MECOM: variants seen among roughly 807,000 people sequenced by gnomAD.
MECOM encodes MDS1 and EVI1 complex locus, also known as histone-lysine N-methyltransferase MECOM.
A neutral mutation model predicts 116.3 loss-of-function variants in MECOM; 13 were observed. The ratio of observed to expected loss-of-function variants is 0.11; its 90% CI spans 0.07 to 0.18. MECOM has a LOEUF of 0.18. Ranked by LOEUF, MECOM falls within the 10% of genes least tolerant of loss-of-function variation. The pLI, the probability that MECOM is intolerant of heterozygous loss-of-function variation, is 1.00. For missense variants in MECOM, 1,299 were observed against 1,509.0 expected, an observed-to-expected ratio of 0.86 and a Z score of 2.31; for synonymous variants, 528 against 535.2, an observed-to-expected ratio of 0.99 and a Z score of 0.19.
At chr3:169,098,475 C>T (rs1291943384) in intron 12 of MECOM, among the ~76,000 whole-genome samples, 1 of 152,144 alleles carries the variant, frequency 6.6e-6, no homozygotes, top group Non-Finnish European at 1.5e-5. Context: ...AGGCAATATG[C>T]CCTCTCAGTG....
chr3:169,619,937 T>C lies in MECOM; in HGVS notation c.37+43399A>G, dbSNP rs181098458. Among the ~76,000 whole-genome samples the C allele has an allele frequency of 3.5e-3, 537 of 152,350 alleles. 2 individuals are homozygous for C. Among genetic ancestry groups the C allele is most frequent in the Non-Finnish European group, 5.5e-3 (374 of 68,032 alleles). The stretch of plus-strand genomic sequence containing the variant: ...TGGTGTCCCCCTGCGGAACCAGCCC[T>C]TCATGTTCTAAGACAGTCATCAACA... On this transcript the variant is annotated intron_variant, in intron 1 of 16. Transcript: ENST00000651503.
chr3:169,208,321 TTA>T (rs1258492324), intron 2 of MECOM, among the ~76,000 whole-genome samples: 1 of 148,398 alleles, frequency 6.7e-6, no homozygotes, highest in Non-Finnish European at 1.5e-5. Context: ...ATGTATTATA[TTA>T]TATATATAAT....
chr3:169,351,949 G>T (rs751039673), intron 2 of MECOM, among the ~76,000 whole-genome samples: 5 of 151,760 alleles, frequency 3.3e-5, no homozygotes, highest in Non-Finnish European at 5.9e-5. Flanking sequence ...CTCTGATTGA[G>T]GAATTGATAA....
chr3:169,623,244 C>A (rs1357836728), intron 1 of MECOM, among the ~76,000 whole-genome samples: 2 of 152,208 alleles, frequency 1.3e-5, no homozygotes, highest in African/African-American at 4.8e-5. Flanking sequence ...TTTGTGCAAA[C>A]TGACAAAAAT....
At chr3:169,652,071 T>C (rs1407950955) in intron 1 of MECOM, among the ~76,000 whole-genome samples, 1 of 152,154 alleles carries the variant, frequency 6.6e-6, no homozygotes, top group East Asian at 1.9e-4. Context: ...ATAATAAACA[T>C]GCTAAGGTGA....
Position 169,102,180 on chromosome 3 carries a change from G to A in MECOM, c.2651C>T (p.Ala884Val). 1.9e-6 allele frequency: 3 copies of A among 1,613,760 alleles called. No individual in the cohort carries two copies. The highest frequency in any genetic ancestry group is 2.5e-6 in the Non-Finnish European group (3 of 1,179,786). The change falls in exon 11 of 17, where the codon GCC becomes GTC. Residue 884 changes from alanine to valine, a missense_variant. Ala to Val is a moderately conservative substitution (Grantham distance 64). Around this residue, in one of 6 missense-constraint regions of MECOM, gnomAD observed 340 missense variants for 312.6 expected, o/e 1.09. Coordinates refer to ENST00000651503, the MANE Select transcript of MECOM (RefSeq NM_004991.4). ...GAGCTCACTGGCCTCAGGTTTCAGG[G>A]CACTGAAGCTCTCTAGCTTTTCTGC... ...NMAEKLESFS[A>V]LKPEASELLQ... is the part of the protein sequence containing the mutation.
At chr3:169,651,561 G>A (rs772375608) in intron 1 of MECOM, among the ~76,000 whole-genome samples, 14 of 152,216 alleles carry the variant, frequency 9.2e-5, no homozygotes, top group Non-Finnish European at 1.9e-4. Flanking sequence ...ACCAAACATT[G>A]ATGTTCTCGC....
intron 1 of MECOM, among the ~76,000 whole-genome samples, chr3:169,555,876 A>C (rs1162382047): frequency 6.6e-6 from 1 of 152,230 alleles, no homozygotes; most frequent in Non-Finnish European, 1.5e-5. Flanking sequence ...TGGCATTTTA[A>C]AGTCAGTGGC....
chr3:169,258,243 GA>G (rs1256906515), intron 2 of MECOM, among the ~76,000 whole-genome samples: 1 of 151,834 alleles, frequency 6.6e-6, no homozygotes, highest in Non-Finnish European at 1.5e-5. Flanking sequence ...GAAAGAAAAA[GA>G]AAAAGTAGAT....
chr3:169,317,899 C>T (rs1052750659), intron 2 of MECOM, among the ~76,000 whole-genome samples: 1 of 152,270 alleles, frequency 6.6e-6, no homozygotes, highest in East Asian at 1.9e-4. Flanking sequence ...GTAACCAAAA[C>T]AGCATGGTAC....
intron 1 of MECOM, among the ~76,000 whole-genome samples, chr3:169,593,039 AT>A (rs1274064902): frequency 6.6e-6 from 1 of 152,212 alleles, no homozygotes; most frequent in Admixed American, 6.5e-5. Flanking sequence ...TGTTTACTAA[AT>A]GCTGATAGAA....
chr3:169,339,528 C>G (rs1003418411), intron 2 of MECOM, among the ~76,000 whole-genome samples: 1 of 152,184 alleles, frequency 6.6e-6, no homozygotes, highest in Admixed American at 6.5e-5. Flanking sequence ...AAAGTGTGAT[C>G]CCTGGACCAG....
intron 1 of MECOM, among the ~76,000 whole-genome samples, chr3:169,448,971 G>T (rs1745105831): frequency 6.6e-6 from 1 of 152,082 alleles, no homozygotes; most frequent in African/African-American, 2.4e-5. Context: ...AATTTTATTT[G>T]AAATCACGAC....
intron 1 of MECOM, among the ~76,000 whole-genome samples, chr3:169,492,617 C>T (rs767593167): frequency 3.3e-5 from 5 of 152,098 alleles, no homozygotes; most frequent in Non-Finnish European, 5.9e-5. Flanking sequence ...ATAACCCTAC[C>T]TATAATACTG....
intron 1 of MECOM, among the ~76,000 whole-genome samples, chr3:169,397,733 C>T (rs2108374491): frequency 6.6e-6 from 1 of 152,272 alleles, no homozygotes; most frequent in Non-Finnish European, 1.5e-5. Flanking sequence ...CAGAGATAGG[C>T]AAACCCCACC....
chr3:169,088,376 G>C (rs1327598886), intron 16 of MECOM, among the ~76,000 whole-genome samples: 1 of 152,108 alleles, frequency 6.6e-6, no homozygotes, highest in African/African-American at 2.4e-5. Context: ...CCATAGTGCT[G>C]ATACAATGTT....
At chr3:169,145,880 T>A (rs1739748309) in intron 2 of MECOM, 1 of 215,242 alleles carries the variant, frequency 4.6e-6, no homozygotes, top group East Asian at 7.0e-5. Context: ...TAATCTGTTA[T>A]ACGATTATTC....
At chr3:169,149,931 C>CT (rs1336646745) in intron 2 of MECOM, among the ~76,000 whole-genome samples, 22 of 124,358 alleles carry the variant, frequency 1.8e-4, no homozygotes, top group African/African-American at 6.7e-4. Flanking sequence ...CTCTTTCTCT[C>CT]TCTCTGTGTG....
chr3:169,264,490 T>C (rs1235789146), intron 2 of MECOM, among the ~76,000 whole-genome samples: 1 of 152,156 alleles, frequency 6.6e-6, no homozygotes, highest in Non-Finnish European at 1.5e-5. Context: ...AAAAGCGAAG[T>C]ATCAAGTGCA....
Sources: gnomAD v4.1 joint callset for allele counts (sites outside exome capture counted in the v4.1 genomes callset) on GRCh38, gnomAD v4.1.1 for gene constraint, gnomAD v4.1.1 regional missense constraint, MANE v1.5 for transcripts, NCBI Gene and HGNC (gene_info 2026-07-23, HGNC 2026-07-21) for gene names.